The following TM7SF3 variants were observed in gnomAD, a reference collection of about 807,000 sequenced individuals.
TM7SF3 encodes seven span transmembrane protein.
TM7SF3 carries 60 observed loss-of-function variants against 65.5 expected under a neutral mutation model. The observed-to-expected ratio is 0.92, with a 90% CI of 0.74 to 1.14. The LOEUF (loss-of-function observed/expected upper bound fraction) is 1.14. Among genes scored for constraint, TM7SF3 ranks in the 50% most tolerant of loss-of-function variants. TM7SF3 has a pLI of 0.00. For missense variants in TM7SF3, 623 were observed against 684.8 expected, an observed-to-expected ratio of 0.91 and a Z score of 1.01; for synonymous variants, 264 against 259.6, an observed-to-expected ratio of 1.02 and a Z score of -0.16.
At chr12:26,974,357 A>G in intron 11 of TM7SF3, 130 bp from the exon 12 acceptor site, 5 of 952,992 alleles carry the variant, frequency 5.2e-6, no homozygotes, top group Non-Finnish European at 7.6e-6. Flanking sequence ...GTCCAAACAC[A>G]TATGTAGTTC....
chr12:27,000,714 C>T (rs1940796922), intron 2 of TM7SF3, among the ~76,000 whole-genome samples: 1 of 152,192 alleles, frequency 6.6e-6, no homozygotes, highest in Non-Finnish European at 1.5e-5. Flanking sequence ...CAGCATCAGC[C>T]TCCCAAAGTG....
intron 1 of TM7SF3, among the ~76,000 whole-genome samples, chr12:27,004,856 CAT>C (rs1940970361): frequency 2.0e-5 from 3 of 152,010 alleles, no homozygotes; most frequent in Admixed American, 2.0e-4. Flanking sequence ...ATGAAGATAG[CAT>C]ATTTCCTATT....
chr12:26,999,269 G>A (rs768514118), intron 3 of TM7SF3, among the ~76,000 whole-genome samples: 2 of 151,944 alleles, frequency 1.3e-5, no homozygotes, highest in African/African-American at 2.4e-5. Flanking sequence ...GGTGGCGGGC[G>A]CCTGTAATCC....
chr12:26,998,900 G>A (rs1243063321), intron 3 of TM7SF3, among the ~76,000 whole-genome samples: 1 of 152,076 alleles, frequency 6.6e-6, no homozygotes, highest in Non-Finnish European at 1.5e-5. Context: ...CACTCACAAC[G>A]TGCCATTCTC....
intron 6 of TM7SF3, among the ~76,000 whole-genome samples, chr12:26,985,524 C>G (rs1940009276): frequency 6.8e-6 from 1 of 147,204 alleles, no homozygotes; most frequent in South Asian, 2.2e-4. Context: ...ACTCTGGAGG[C>G]TGAGGTACGT....
chr12:26,975,637 C>T lies in TM7SF3; in HGVS notation c.1309G>A (p.Val437Ile). The change falls in exon 11 of 12, where the codon GTC becomes ATC. Residue 437 changes from valine (V) to isoleucine (I), a missense_variant. By Grantham distance (29) the Val-to-Ile change is conservative (BLOSUM62 3). Coordinates refer to ENST00000343028, the MANE Select transcript of TM7SF3 (RefSeq NM_016551.3). Reference sequence around the variant, plus strand: ...AAAACCACCGAATAGGAGCCAATGACTCCACAAGTCAGTATGTTCAGCTGT... The same window carrying T: ...AAAACCACCGAATAGGAGCCAATGATTCCACAAGTCAGTATGTTCAGCTGT... ...LRILNILTCG[V>I]IGSYSVVLAI... 6.2e-7 allele frequency: 1 copy of T among 1,611,854 alleles called. No individual in the cohort carries two copies. Among genetic ancestry groups the T allele is most frequent in the Non-Finnish European group, 8.5e-7 (1 of 1,179,676 alleles).
chr12:26,983,653 G>A (rs1939915720), intron 6 of TM7SF3: 3 of 406,066 alleles, frequency 7.4e-6, no homozygotes, highest in Non-Finnish European at 1.5e-5. Flanking sequence ...ATTGGTGTAT[G>A]GAGGCTCGCT....
chr12:27,008,030 T>C (rs1168288378), intron 1 of TM7SF3, among the ~76,000 whole-genome samples: 3 of 152,200 alleles, frequency 2.0e-5, no homozygotes, highest in Admixed American at 1.3e-4. Context: ...TTTCTGTGCA[T>C]GTCTTTTGGT....
chr12:26,990,757 C>T, intron 5 of TM7SF3, 130 bp from the exon 6 acceptor site: 5 of 655,812 alleles, frequency 7.6e-6, no homozygotes, highest in African/African-American at 1.8e-5. Context: ...TATACACCAA[C>T]CCATTTAATA....
chr12:26,975,181 C>T (rs1197215825), intron 11 of TM7SF3, among the ~76,000 whole-genome samples: 1 of 152,202 alleles, frequency 6.6e-6, no homozygotes, highest in African/African-American at 2.4e-5. Context: ...CCATCCCCAC[C>T]CATAAGTCTC....
In TM7SF3 at chr12:26,974,097, T is replaced by G. The variant is rs139476509; in HGVS notation, c.1581A>C (p.Arg527=). 3.2e-5 allele frequency: 52 copies of G among 1,614,064 alleles called. No homozygotes were observed. The Middle Eastern group carries it at 6.6e-4, about 20-fold the overall frequency. ...AGCTAGGGTCCAGAATGTTTGTCAC[T>G]CGGCGCTCTCTCTCTTGCTTCCATA... is the stretch of plus-strand genomic sequence containing the variant. ...YKLWKQERER[R]VTNILDPSYH... The change falls in exon 12 of 12, where the codon CGA becomes CGC. Residue 527 remains arginine, a synonymous_variant. Coordinates refer to ENST00000343028, the MANE Select transcript of TM7SF3 (RefSeq NM_016551.3).
intron 2 of TM7SF3, among the ~76,000 whole-genome samples, chr12:27,002,237 C>A (rs10842826): frequency 0.64 from 97,772 of 151,816 alleles, 31,940 homozygotes; most frequent in East Asian, 1. Flanking sequence ...CCCAGACAGG[C>A]GGATCACTTG....
chr12:27,010,141 A>G (rs1941191375), intron 1 of TM7SF3, among the ~76,000 whole-genome samples: 1 of 152,234 alleles, frequency 6.6e-6, no homozygotes, highest in Non-Finnish European at 1.5e-5. Context: ...AGTAAAATTG[A>G]GGTAACTGTG....
intron 7 of TM7SF3, 94 bp from the exon 8 acceptor site, chr12:26,980,740 C>G: frequency 1.6e-6 from 1 of 617,190 alleles, no homozygotes. Context: ...ATTTAATCTA[C>G]AAATACATGC....
At chr12:26,999,883 A>C (rs1466218659) in intron 2 of TM7SF3, 1 of 516,550 alleles carries the variant, frequency 1.9e-6, no homozygotes, top group Non-Finnish European at 3.4e-6. Context: ...AAAATATACG[A>C]TTGTCTTAGT....
rs1940747789 is a variant in TM7SF3 at position 26,999,599 on chromosome 12, G to A, written c.324C>T (p.Cys108=). ...VFILRPEQST[C]TWYLGTSGIQ... ...TGCCTGAAGTCCCCAAGTACCAAGTGCATGTACTCTGCTCTGGTCTAAGGA... is the reference window on the plus strand; with the variant it reads ...TGCCTGAAGTCCCCAAGTACCAAGTACATGTACTCTGCTCTGGTCTAAGGA... Residue 108 remains cysteine, a synonymous_variant, in exon 3 of 12, where the codon TGC becomes TGT. Coordinates refer to ENST00000343028, the MANE Select transcript of TM7SF3 (RefSeq NM_016551.3). 2 of 1,613,910 alleles carry A rather than the reference G, an allele frequency of 1.2e-6. No individual in the cohort carries two copies. The highest frequency in any genetic ancestry group is 1.1e-5 in the South Asian group (1 of 91,086).
chr12:27,008,860 C>G (rs1314706432), intron 1 of TM7SF3, among the ~76,000 whole-genome samples: 3 of 152,086 alleles, frequency 2.0e-5, no homozygotes, highest in Non-Finnish European at 4.4e-5. Context: ...ACATTGAAGA[C>G]TGAGGAAGGT....
At chr12:27,000,002 G>C (rs1055058846) in intron 2 of TM7SF3, among the ~76,000 whole-genome samples, 25 of 152,152 alleles carry the variant, frequency 1.6e-4, no homozygotes, top group African/African-American at 5.8e-4. Flanking sequence ...AACACAGTCG[G>C]GTTCTGATGA....
At chr12:27,007,769 T>C (rs1941095405) in intron 1 of TM7SF3, among the ~76,000 whole-genome samples, 1 of 152,162 alleles carries the variant, frequency 6.6e-6, no homozygotes, top group Admixed American at 6.5e-5. Flanking sequence ...CAGAGGGAAA[T>C]AGGGTCCTAA....
Sources: allele counts gnomAD v4.1 joint callset (sites outside exome capture counted in the v4.1 genomes callset), GRCh38; gene constraint gnomAD v4.1.1; transcripts MANE v1.5; gene names NCBI Gene and HGNC (gene_info 2026-07-23, HGNC 2026-07-21).